The following PLET1 variants were observed in gnomAD, a reference collection of about 807,000 sequenced individuals.
PLET1 encodes placenta expressed transcript 1, also known as placenta-expressed transcript 1 protein.
In PLET1, 20 loss-of-function variants were observed where a neutral mutation model predicts 18.5. That is an observed-to-expected ratio of 1.08 (90% CI 0.76 to 1.57). The LOEUF (loss-of-function observed/expected upper bound fraction) is 1.57. Ranked by LOEUF, PLET1 falls within the 40% of genes most tolerant of loss-of-function variation. The pLI is 0.00. For missense variants in PLET1, 256 were observed against 246.4 expected (o/e 1.04, Z -0.26); for synonymous variants, 93 against 93.8 (o/e 0.99, Z 0.05).
Position 112,260,568 on chromosome 11 carries a change from G to A in PLET1, c.22C>T (p.Leu8=), listed in dbSNP as rs757167068. 27 of 1,551,296 alleles carry A rather than the reference G, an allele frequency of 1.7e-5. No individual in the cohort carries two copies. In the South Asian group the frequency reaches 3.2e-4, roughly 18 times the overall value. MAVFHDM[L]LQPLGMFLCL... Reference sequence around the variant, plus strand: ...AGAAACATCCCCAGTGGCTGCAGCAGCATGTCATGGAAGACTGCCATGGTC... The same window carrying A: ...AGAAACATCCCCAGTGGCTGCAGCAACATGTCATGGAAGACTGCCATGGTC... Residue 8 remains leucine (L), a synonymous_variant, in exon 1 of 4, where the codon CTG becomes TTG. Transcript: ENST00000338832.
chr11:112,254,969 A>T (rs116142761), intron 2 of PLET1, among the ~76,000 whole-genome samples: 3,332 of 23,202 alleles, frequency 0.14, 71 homozygotes, highest in Non-Finnish European at 0.22. Context: ...TATGTATGTG[A>T]GTGTGGTGTG....
chr11:112,259,294 C>T (rs2135419686), intron 1 of PLET1, among the ~76,000 whole-genome samples: 1 of 152,290 alleles, frequency 6.6e-6, no homozygotes, highest in East Asian at 1.9e-4. Flanking sequence ...TTAAGTAGCT[C>T]CGGGACCTGA....
At chr11:112,254,267 C>A (rs559018685) in intron 2 of PLET1, among the ~76,000 whole-genome samples, 35 of 119,808 alleles carry the variant, frequency 2.9e-4, no homozygotes, top group Admixed American at 2.6e-3. Flanking sequence ...CGTGTGGTGT[C>A]TGTAAGGTGT....
At chr11:112,256,512 T>G (rs1860225613) in intron 1 of PLET1, among the ~76,000 whole-genome samples, 3 of 152,182 alleles carry the variant, frequency 2.0e-5, no homozygotes, top group Admixed American at 2.0e-4. Flanking sequence ...AAATATTTCT[T>G]GCATGCCCGC....
At chr11:112,256,535 C>T (rs1168660319) in intron 1 of PLET1, among the ~76,000 whole-genome samples, 1 of 152,182 alleles carries the variant, frequency 6.6e-6, no homozygotes, top group Non-Finnish European at 1.5e-5. Context: ...TGCACCTGGC[C>T]TGGTTCTAGG....
intron 3 of PLET1, among the ~76,000 whole-genome samples, chr11:112,251,024 G>A (rs546800148): frequency 1.3e-5 from 2 of 152,330 alleles, no homozygotes; most frequent in South Asian, 4.1e-4. Flanking sequence ...CATGCTAGGT[G>A]TCTTTCAGTG....
Position 112,248,838 on chromosome 11 carries a change from A to G in PLET1, c.585T>C (p.Tyr195=), listed in dbSNP as rs1227626633. The change falls in exon 4 of 4, where the codon TAT becomes TAC. Residue 195 remains tyrosine (Y), a synonymous_variant. Transcript: ENST00000338832. Reference sequence around the variant, plus strand: ...TGCTGGTGAGAAAAGCAAGCAGGATATAAATGGCCTCTGTGATGGGGCTGC... The same window carrying G: ...TGCTGGTGAGAAAAGCAAGCAGGATGTAAATGGCCTCTGTGATGGGGCTGC... ...VFSSPITEAI[Y]ILLAFLTSTL... 10 of 1,551,648 alleles carry G rather than the reference A, an allele frequency of 6.4e-6. No individual in the cohort carries two copies. Among genetic ancestry groups the G allele is most frequent in the Non-Finnish European group, 8.7e-6 (10 of 1,146,984 alleles).
At chr11:112,255,644 C>G in intron 1 of PLET1, 55 bp from the exon 2 acceptor site, 1 of 1,449,496 alleles carries the variant, frequency 6.9e-7, no homozygotes, top group Non-Finnish European at 9.5e-7. Flanking sequence ...GAGCCAAGCT[C>G]GAGGGATGAG....
At chr11:112,259,970 G>A (rs565424508) in intron 1 of PLET1, among the ~76,000 whole-genome samples, 3 of 152,268 alleles carry the variant, frequency 2.0e-5, no homozygotes, top group South Asian at 2.1e-4. Flanking sequence ...CCCAGGAGGC[G>A]GAGGTTGCAG....
chr11:112,251,505 G>A (rs1018042174), intron 3 of PLET1, among the ~76,000 whole-genome samples: 2 of 152,126 alleles, frequency 1.3e-5, no homozygotes, highest in Admixed American at 1.3e-4. Flanking sequence ...AACCCGGGAG[G>A]CAGAAGTTGC....
intron 2 of PLET1, among the ~76,000 whole-genome samples, chr11:112,254,805 TGTGTG>T (rs1860201106): frequency 1.8e-5 from 2 of 109,510 alleles, no homozygotes; most frequent in Non-Finnish European, 1.8e-5. Context: ...GTGTGGTGCA[TGTGTG>T]GTGTGTGTGG....
chr11:112,254,285 GTGTA>G (rs1301515532), intron 2 of PLET1, among the ~76,000 whole-genome samples: 4 of 147,114 alleles, frequency 2.7e-5, no homozygotes, highest in Non-Finnish European at 3.0e-5. Flanking sequence ...TGTGTAGTGT[GTGTA>G]TGTGTGTGGT....
intron 1 of PLET1, 87 bp from the exon 2 acceptor site, chr11:112,255,676 C>A: frequency 8.5e-7 from 1 of 1,182,044 alleles, no homozygotes. Context: ...CAAAACAAAG[C>A]GTGAAACAAG....
chr11:112,253,453 G>A (rs367858736), intron 2 of PLET1, among the ~76,000 whole-genome samples: 1 of 152,144 alleles, frequency 6.6e-6, no homozygotes, highest in Non-Finnish European at 1.5e-5. Flanking sequence ...AACAAGCAGG[G>A]AGGCCAGCGT....
intron 2 of PLET1, 70 bp downstream of exon 2, chr11:112,255,318 C>T (rs1860214181): frequency 1.4e-6 from 2 of 1,437,400 alleles, no homozygotes; most frequent in Admixed American, 2.0e-5. Flanking sequence ...GTCCTCCTAG[C>T]TTAGTGTAAA....
intron 2 of PLET1, among the ~76,000 whole-genome samples, chr11:112,252,959 G>T (rs1233183256): frequency 2.6e-5 from 4 of 152,110 alleles, no homozygotes; most frequent in African/African-American, 9.7e-5. Context: ...TGAGTCCCTT[G>T]TTCATACATG....
rs1860123327 is a variant in PLET1, at chr11:112,248,535, CCT to C, written c.*262_*263del. ...CAACCTGTTCAACCAATAGGGAGAA[CCT>C]AGGTGACTAAGTTCCGGCCAGTTCT... On this transcript the variant is annotated 3_prime_UTR_variant, in exon 4 of 4. Coordinates refer to ENST00000338832, the MANE Select transcript of PLET1 (RefSeq NM_001145024.1). The C allele has an allele frequency of 2.2e-6, 1 of 457,514 alleles. No individual in the cohort carries two copies. The highest frequency in any genetic ancestry group is 3.9e-5 in the Admixed American group (1 of 25,384). 28.3% of individuals were successfully genotyped at this position (457,514 alleles called of 1,614,324 possible). A position where few individuals can be genotyped will look rare whatever the true frequency, so the allele number is the denominator to read the frequency against.
rs139462274 is a variant in PLET1, at chr11:112,249,164, A to G, written c.449-190T>C. ...GGAGGGGAAAAGCTGGGGGTTAAAC[A>G]CACAGGGTTAAGTAACAAAAATAAG... On this transcript the variant is annotated intron_variant, in intron 3 of 3. Transcript: ENST00000338832. 6.8e-3 allele frequency among the ~76,000 whole-genome samples: 1,040 copies of G among 152,300 alleles called. 11 individuals carry two copies. The highest frequency in any genetic ancestry group is 0.023 in the African/African-American group (973 of 41,546).
rs1407322423 is a variant in PLET1, at chr11:112,255,432, C to G, written c.342G>C (p.Gln114His). Residue 114 changes from glutamine (Q) to histidine (H), a missense_variant, in exon 2 of 4, where the codon CAG (glutamine) becomes CAC (histidine). Physicochemically the swap from Gln to His is conservative, Grantham distance 24. Transcript: ENST00000338832. ...KDQYMTVLEA[Q>H]WQAPEPENIT... ...TGTTCTCAGGTTCAGGAGCTTGCCACTGTGCCTCTAAGACCGTCATGTATT... is the reference window on the plus strand; with the variant it reads ...TGTTCTCAGGTTCAGGAGCTTGCCAGTGTGCCTCTAAGACCGTCATGTATT... 3 of 1,552,352 alleles carry G rather than the reference C, an allele frequency of 1.9e-6. No homozygotes were observed. The highest frequency in any genetic ancestry group is 2.6e-6 in the Non-Finnish European group (3 of 1,147,112).
Sources: gnomAD v4.1 joint callset for allele counts (sites outside exome capture counted in the v4.1 genomes callset) on GRCh38, gnomAD v4.1.1 for gene constraint, MANE v1.5 for transcripts, NCBI Gene and HGNC (gene_info 2026-07-23, HGNC 2026-07-21) for gene names.